The following CHCHD10 variants were observed in gnomAD, a reference collection of about 807,000 sequenced individuals.
The protein encoded by CHCHD10 is coiled-coil-helix-coiled-coil-helix domain-containing protein 10, mitochondrial.
CHCHD10 carries 10 observed loss-of-function variants against 14.8 expected under a neutral mutation model. That is an observed-to-expected ratio of 0.67 (90% CI 0.42 to 1.14). The LOEUF (loss-of-function observed/expected upper bound fraction) is 1.14. Ranked by LOEUF, CHCHD10 falls within the 50% of genes most tolerant of loss-of-function variation. CHCHD10 has a pLI of 0.00. For synonymous variants in CHCHD10, 90 were observed against 85.2 expected (o/e 1.06, Z -0.31); for missense variants, 203 against 196.9 (o/e 1.03, Z -0.19).
chr22:23,767,956 CAGCCGGCGCAAAAA>C lies in CHCHD10; in HGVS notation c.-96_-83del. On this transcript the variant is annotated 5_prime_UTR_variant, in exon 1 of 4. Transcript: ENST00000484558. Reference sequence around the variant, plus strand: ...GGGACAAATGCCGCAGCGCTTGTCACAGCCGGCGCAAAAAAGGCGGGGCCCCGGGCGGGGCCTCA... The same window carrying C: ...GGGACAAATGCCGCAGCGCTTGTCACAGGCGGGGCCCCGGGCGGGGCCTCA... The C allele has an allele frequency of 8.1e-7, 1 of 1,235,128 alleles. No individual in the cohort carries two copies. Among genetic ancestry groups the C allele is most frequent in the Non-Finnish European group, 1.1e-6 (1 of 935,576 alleles). 76.5% of individuals were successfully genotyped at this position (1,235,128 alleles called of 1,614,324 possible). A position where few individuals can be genotyped will look rare whatever the true frequency, so the allele number is the denominator to read the frequency against.
chr22:23,767,793 T>C (rs1926982451), intron 1 of CHCHD10, 41 bp downstream of exon 1: 2 of 1,500,908 alleles, frequency 1.3e-6, no homozygotes, highest in Non-Finnish European at 1.8e-6. Context: ...TGCCCACACT[T>C]CCCTAACCCC....
In CHCHD10 at chr22:23,765,958, A is replaced by T. The variant is rs1206676141; in HGVS notation, c.*49T>A. ...TGGTGTTGTGGTCTGGCTGTCGGCGAGGGGTAGAGGTGGGTGCAGGACTGG... is the reference window on the plus strand; with the variant it reads ...TGGTGTTGTGGTCTGGCTGTCGGCGTGGGGTAGAGGTGGGTGCAGGACTGG... On this transcript the variant is annotated 3_prime_UTR_variant, in exon 4 of 4. Transcript: ENST00000484558. The T allele has an allele frequency of 3.7e-6, 6 of 1,612,682 alleles. No homozygotes were observed. The highest frequency in any genetic ancestry group is 5.1e-6 in the Non-Finnish European group (6 of 1,179,662).
chr22:23,766,096 C>G (rs761770581), intron 3 of CHCHD10, 32 bp downstream of exon 3: 5 of 1,613,252 alleles, frequency 3.1e-6, no homozygotes, highest in African/African-American at 1.3e-5. Flanking sequence ...GCCTCTCCCC[C>G]TCCCCGCCTG....
chr22:23,765,917 C>T lies in CHCHD10; in HGVS notation c.*90G>A. On this transcript the variant is annotated 3_prime_UTR_variant, in exon 4 of 4. Transcript: ENST00000484558. ...GAAACCTCCTCACTTCCAATCCCAG[C>T]TATCTGGGTACAATCTGGTGTTGTG... is the stretch of plus-strand genomic sequence containing the variant. The T allele has an allele frequency of 1.3e-6, 2 of 1,596,392 alleles. No individual in the cohort carries two copies. The highest frequency in any genetic ancestry group is 1.7e-6 in the Non-Finnish European group (2 of 1,165,604).
At chr22:23,766,953 T>C (rs914077064) in intron 2 of CHCHD10, among the ~76,000 whole-genome samples, 1 of 152,188 alleles carries the variant, frequency 6.6e-6, no homozygotes, top group Non-Finnish European at 1.5e-5. Flanking sequence ...GTGGGGTTCC[T>C]AGCAGGGGAA....
chr22:23,766,274 G>GGGC lies in CHCHD10; in HGVS notation c.262_263insGCC (p.Ala88delinsGlyPro). The stretch of plus-strand genomic sequence containing the variant: ...GGGCTGGGGGGCAGCGGGGGTGGGG[G>GGGC]CCTGGGGGTACAGTGCAAGAGGCTG... On this transcript the variant is annotated protein_altering_variant and splice_region_variant, in exon 3 of 4. Transcript: ENST00000484558. 1.4e-5 allele frequency: 20 copies of GGGC among 1,440,688 alleles called. No individual in the cohort carries two copies. The highest frequency in any genetic ancestry group is 1.8e-5 in the Non-Finnish European group (19 of 1,057,456). The allele number at this position is 1,440,688 out of a possible 1,614,324, so 89.2% of individuals were successfully genotyped here. A position where few individuals can be genotyped will look rare whatever the true frequency, so the allele number is the denominator to read the frequency against.
rs1333475039 is a variant in CHCHD10, at chr22:23,767,558, T to C, written c.77A>G (p.His26Arg). Residue 26 changes from histidine (H) to arginine (R), a missense_variant, in exon 2 of 4, where the codon CAC becomes CGC. Physicochemically the swap from His to Arg is conservative, Grantham distance 29. Coordinates refer to ENST00000484558, the MANE Select transcript of CHCHD10 (RefSeq NM_213720.3). The part of the protein sequence containing the change: ...PAAPSAHPPA[H>R]PPPSAAAPAP... The stretch of plus-strand genomic sequence containing the variant: ...TGGGGCGGCTGCCGAGGGCGGTGGG[T>C]GCGCGGGCGGGTGGGCAGAGGGCGC... 7.2e-6 allele frequency: 7 copies of C among 976,802 alleles called. No individual in the cohort carries two copies. The highest frequency in any genetic ancestry group is 9.2e-6 in the Non-Finnish European group (7 of 759,090). The allele number at this position is 976,802 out of a possible 1,614,324, so 60.5% of individuals were successfully genotyped here. A position where few individuals can be genotyped will look rare whatever the true frequency, so the allele number is the denominator to read the frequency against.
chr22:23,765,989 G>A lies in CHCHD10; in HGVS notation c.*18C>T, dbSNP rs1049408924. On this transcript the variant is annotated 3_prime_UTR_variant, in exon 4 of 4. Transcript: ENST00000484558. ...AGAGGTGGGTGCAGGACTGGCCCCCGAGTCTGCACCGACCTCTTCAGGGCA... is the reference window on the plus strand; with the variant it reads ...AGAGGTGGGTGCAGGACTGGCCCCCAAGTCTGCACCGACCTCTTCAGGGCA... 8 of 1,613,164 alleles carry A rather than the reference G, an allele frequency of 5.0e-6. No homozygotes were observed. Among genetic ancestry groups the A allele is most frequent in the South Asian group, 2.2e-5 (2 of 91,004 alleles).
rs754782836 is a variant in CHCHD10, at chr22:23,767,428, C to A, written c.207G>T (p.Leu69=). 1.2e-6 allele frequency: 2 copies of A among 1,606,292 alleles called. No individual in the cohort carries two copies. Among genetic ancestry groups the A allele is most frequent in the Admixed American group, 3.4e-5 (2 of 59,618 alleles). Residue 69 remains leucine, a synonymous_variant, in exon 2 of 4, where the codon CTG becomes CTT. Coordinates refer to ENST00000484558, the MANE Select transcript of CHCHD10 (RefSeq NM_213720.3). ...AGCTCCCCCCGCTGAAGGCTCCGGT[C>A]AGGGCGCTGCCCATGACGTGTCCCA... is the stretch of plus-strand genomic sequence containing the variant. The part of the protein sequence containing the change: ...SAVGHVMGSA[L]TGAFSGGSSE...
chr22:23,766,274 G>GGC lies in CHCHD10; in HGVS notation c.262_263insGC (p.Ala88GlyfsTer43). 1.0e-5 allele frequency: 15 copies of GGC among 1,440,700 alleles called. No homozygotes were observed. Among genetic ancestry groups the GGC allele is most frequent in the Non-Finnish European group, 1.3e-5 (14 of 1,057,468 alleles). 89.2% of individuals were successfully genotyped at this position (1,440,700 alleles called of 1,614,324 possible). On this transcript the variant is annotated frameshift_variant and splice_region_variant, in exon 3 of 4. Transcript: ENST00000484558. LOFTEE classifies it high-confidence loss of function. ...GGGCTGGGGGGCAGCGGGGGTGGGG[G>GGC]CCTGGGGGTACAGTGCAAGAGGCTG...
At chr22:23,767,252 G>T in intron 2 of CHCHD10, 122 bp downstream of exon 2, 1 of 818,236 alleles carries the variant, frequency 1.2e-6, no homozygotes, top group Non-Finnish European at 2.0e-6. Context: ...ACCCTTCCCG[G>T]GCAGAGTCCT....
chr22:23,766,938 C>G (rs969394606), intron 2 of CHCHD10, among the ~76,000 whole-genome samples: 1 of 152,226 alleles, frequency 6.6e-6, no homozygotes, highest in Non-Finnish European at 1.5e-5. Flanking sequence ...ATTTGGCTTA[C>G]GGCGGTGGGG....
chr22:23,766,259 G>GGGGGGC lies in CHCHD10; in HGVS notation c.277_278insGCCCCC (p.Ala93delinsGlyProPro). On this transcript the variant is annotated protein_altering_variant, in exon 3 of 4. Transcript: ENST00000484558. Reference sequence around the variant, plus strand: ...GGGCCCCATCTGCAGGGGCTGGGGGGCAGCGGGGGTGGGGGCCTGGGGGTA... The same window carrying GGGGGGC: ...GGGCCCCATCTGCAGGGGCTGGGGGGGGGGGCCAGCGGGGGTGGGGGCCTGGGGGTA... 2.0e-6 allele frequency: 3 copies of GGGGGGC among 1,508,694 alleles called. No homozygotes were observed. The highest frequency in any genetic ancestry group is 2.7e-6 in the Non-Finnish European group (3 of 1,112,928). 93.5% of individuals were successfully genotyped at this position (1,508,694 alleles called of 1,614,324 possible).
In CHCHD10 at chr22:23,767,570, TG is replaced by T; in HGVS notation, c.64del (p.His22ThrfsTer34). 1 of 775,206 alleles carries T rather than the reference TG, an allele frequency of 1.3e-6. No homozygotes were observed. The highest frequency in any genetic ancestry group is 1.7e-6 in the Non-Finnish European group (1 of 573,968). The allele number at this position is 775,206 out of a possible 1,614,324, so 48.0% of individuals were successfully genotyped here. On this transcript the variant is annotated frameshift_variant, in exon 2 of 4. Coordinates refer to ENST00000484558, the MANE Select transcript of CHCHD10 (RefSeq NM_213720.3). LOFTEE classifies it high-confidence loss of function. ...CGAGGGCGGTGGGTGCGCGGGCGGG[TG>T]GGCAGAGGGCGCGGCTGGGCGGCTG... The part of the protein sequence containing the change: ...PASRPAAPSA[H>X]PPAHPPPSAA...
At chr22:23,767,096 G>A (rs1926892452) in intron 2 of CHCHD10, among the ~76,000 whole-genome samples, 1 of 152,192 alleles carries the variant, frequency 6.6e-6, no homozygotes, top group South Asian at 2.1e-4. Flanking sequence ...GACCTTGGGC[G>A]AGTCTCTGAG....
intron 1 of CHCHD10, 32 bp from the exon 2 acceptor site, chr22:23,767,625 T>C (rs1342100912): frequency 3.1e-6 from 3 of 975,832 alleles, no homozygotes; most frequent in African/African-American, 1.7e-5. Context: ...GGGTTAATCC[T>C]GGCCAGACCC....
At chr22:23,766,430 C>A in intron 2 of CHCHD10, 155 bp from the exon 3 acceptor site, 7 of 589,318 alleles carry the variant, frequency 1.2e-5, no homozygotes, top group South Asian at 2.1e-5. Context: ...GAGGCGGCTA[C>A]AGACAGCATG....
chr22:23,767,673 G>A (rs1926966583), intron 1 of CHCHD10, 80 bp from the exon 2 acceptor site: 1 of 845,308 alleles, frequency 1.2e-6, no homozygotes, highest in Non-Finnish European at 1.8e-6. Context: ...ACGACCCCCG[G>A]AGAGATGGAC....
Position 23,765,859 on chromosome 22 carries a change from G to A in CHCHD10, c.*148C>T. Reference sequence around the variant, plus strand: ...TGTGGTCTAAAATAAACTTTTAATTGCACATTTGTGTCTTGGGTTATCTGT... The same window carrying A: ...TGTGGTCTAAAATAAACTTTTAATTACACATTTGTGTCTTGGGTTATCTGT... On this transcript the variant is annotated 3_prime_UTR_variant, in exon 4 of 4. Coordinates refer to ENST00000484558, the MANE Select transcript of CHCHD10 (RefSeq NM_213720.3). The A allele has an allele frequency of 6.5e-7, 1 of 1,533,716 alleles. No individual in the cohort carries two copies. The highest frequency in any genetic ancestry group is 8.9e-7 in the Non-Finnish European group (1 of 1,125,432).
Sources: allele counts gnomAD v4.1 joint callset (sites outside exome capture counted in the v4.1 genomes callset), GRCh38; gene constraint gnomAD v4.1.1; transcripts MANE v1.5; gene names NCBI Gene and HGNC (gene_info 2026-07-23, HGNC 2026-07-21).